The following KDM4B variants were observed in gnomAD, a reference collection of about 807,000 sequenced individuals.
KDM4B encodes lysine demethylase 4B.
In KDM4B, 32 loss-of-function variants were observed where a neutral mutation model predicts 125.2. The observed-to-expected ratio is 0.26, with a 90% CI of 0.19 to 0.34. The LOEUF (loss-of-function observed/expected upper bound fraction) is 0.34, where lower values mean the gene tolerates loss of function less well. KDM4B is among the 10% of genes least tolerant of loss of function. KDM4B has a pLI of 1.00. For missense variants in KDM4B, 1,190 were observed against 1,577.7 expected, an observed-to-expected ratio of 0.75 and a Z score of 4.16; for synonymous variants, 721 against 677.9, an observed-to-expected ratio of 1.06 and a Z score of -0.99.
intron 7 of KDM4B, among the ~76,000 whole-genome samples, chr19:5,073,331 C>T (rs537085245): frequency 6.6e-6 from 1 of 152,268 alleles, no homozygotes; most frequent in Non-Finnish European, 1.5e-5. Flanking sequence ...CTCTCTACTG[C>T]CACAGGGCAG....
intron 6 of KDM4B, among the ~76,000 whole-genome samples, chr19:5,061,336 A>G (rs1226099238): frequency 6.6e-6 from 1 of 152,190 alleles, no homozygotes; most frequent in Non-Finnish European, 1.5e-5. Context: ...AATCATTGTC[A>G]CCACTGGTTT....
At chr19:4,976,905 G>C (rs1444528560) in intron 1 of KDM4B, among the ~76,000 whole-genome samples, 1 of 152,238 alleles carries the variant, frequency 6.6e-6, no homozygotes, top group Non-Finnish European at 1.5e-5. Flanking sequence ...GTTCTGACTT[G>C]TCAAGAAATC....
chr19:5,116,032 G>T (rs2613796), intron 10 of KDM4B, among the ~76,000 whole-genome samples: 1 of 151,972 alleles, frequency 6.6e-6, no homozygotes, highest in African/African-American at 2.4e-5. Context: ...ACAATGCATC[G>T]CTGTGAAATT....
chr19:5,131,212 A>G lies in KDM4B; in HGVS notation c.1452A>G (p.Pro484=), dbSNP rs989357211. The G allele has an allele frequency of 3.1e-6, 5 of 1,605,430 alleles. No individual in the cohort carries two copies. The highest frequency in any genetic ancestry group is 4.2e-6 in the Non-Finnish European group (5 of 1,176,564). The part of the protein sequence containing the change: ...PSEEALWLPS[P]LEPPVLGPGP... ...AGGAGGCGCTGTGGCTGCCATCCCC[A>G]CTGGAGCCCCCGGTGCTGGGCCCAG... Residue 484 remains proline (P), a synonymous_variant, in exon 12 of 23, where the codon CCA becomes CCG. Coordinates refer to ENST00000159111, the MANE Select transcript of KDM4B (RefSeq NM_015015.3).
intron 1 of KDM4B, among the ~76,000 whole-genome samples, chr19:4,987,481 A>G (rs566436363): frequency 2.7e-5 from 4 of 148,994 alleles, no homozygotes; most frequent in Admixed American, 6.7e-5. Context: ...TCCCGGCCGG[A>G]GGGGGGTTAT....
At chr19:5,022,624 G>A (rs999204485) in intron 2 of KDM4B, among the ~76,000 whole-genome samples, 3 of 152,162 alleles carry the variant, frequency 2.0e-5, no homozygotes, top group African/African-American at 7.2e-5. Flanking sequence ...GGATGGTCCC[G>A]GGAGTTAGCT....
Position 5,033,011 on chromosome 19 carries a change from C to T in KDM4B, c.121C>T (p.His41Tyr), listed in dbSNP as rs2036506897. The change falls in exon 3 of 23, where the codon CAC becomes TAC. Residue 41 changes from histidine (H) to tyrosine (Y), a missense_variant. Physicochemically the swap from His to Tyr is moderately conservative, Grantham distance 83. Transcript: ENST00000159111. ...GGCCTACATAGAGTCGCAGGGAGCCCACCGGGCGGGCCTGGCCAAGGTGGG... is the reference window on the plus strand; with the variant it reads ...GGCCTACATAGAGTCGCAGGGAGCCTACCGGGCGGGCCTGGCCAAGGTGGG... ...YVAYIESQGA[H>Y]RAGLAKIIPP... 6.2e-7 allele frequency: 1 copy of T among 1,613,742 alleles called. No individual in the cohort carries two copies. Among genetic ancestry groups the T allele is most frequent in the Non-Finnish European group, 8.5e-7 (1 of 1,179,936 alleles).
In KDM4B at chr19:5,137,292, A is replaced by T; in HGVS notation, c.2339A>T (p.Asn780Ile). The change falls in exon 16 of 23, where the codon AAT becomes ATT. Residue 780 changes from asparagine to isoleucine, a missense_variant. Physicochemically the swap from Asn to Ile is moderately radical, Grantham distance 149. Coordinates refer to ENST00000159111, the MANE Select transcript of KDM4B (RefSeq NM_015015.3). ...SCYGIRPELV[N>I]EGWTCSRCAA... is the part of the protein sequence containing the mutation. ...TATGGCATCCGTCCCGAGCTGGTCA[A>T]TGAAGGCTGGACGTGTTCCCGGTGC... 1.9e-6 allele frequency: 3 copies of T among 1,581,726 alleles called. No homozygotes were observed. The highest frequency in any genetic ancestry group is 2.6e-6 in the Non-Finnish European group (3 of 1,164,104).
chr19:5,132,792 G>A (rs925245190), intron 13 of KDM4B, among the ~76,000 whole-genome samples: 15 of 152,172 alleles, frequency 9.9e-5, no homozygotes, highest in African/African-American at 3.6e-4. Flanking sequence ...CACGGCCCCA[G>A]AACCCCAGGC....
intron 10 of KDM4B, 35 bp from the exon 11 acceptor site, chr19:5,119,618 G>A (rs1453024455): frequency 1.3e-6 from 2 of 1,540,192 alleles, no homozygotes; most frequent in Admixed American, 2.0e-5. Flanking sequence ...TCCCTCCCTG[G>A]TCTCCCCTCC....
chr19:5,037,669 G>A (rs1020533988), intron 3 of KDM4B, among the ~76,000 whole-genome samples: 5 of 152,332 alleles, frequency 3.3e-5, no homozygotes, highest in South Asian at 2.1e-4. Context: ...GGGCCGCATC[G>A]TTCTCTGGGG....
intron 6 of KDM4B, among the ~76,000 whole-genome samples, chr19:5,053,971 G>A (rs2037313810): frequency 1.3e-5 from 2 of 152,256 alleles, no homozygotes; most frequent in South Asian, 2.1e-4. Context: ...AAGCTCCTTC[G>A]TGGTCACCTG....
chr19:5,138,114 G>C (rs370829638), intron 18 of KDM4B, 44 bp downstream of exon 18: 69 of 1,492,144 alleles, frequency 4.6e-5, no homozygotes, highest in Non-Finnish European at 6.3e-5. Context: ...TGCCTCTAGG[G>C]CTGCCGGCCA....
In KDM4B at chr19:5,032,857, C is replaced by G. The variant is rs2036502409; in HGVS notation, c.-25-9C>G. On this transcript the variant is annotated splice_polypyrimidine_tract_variant and intron_variant, in intron 2 of 22. Coordinates refer to ENST00000159111, the MANE Select transcript of KDM4B (RefSeq NM_015015.3). ...CCGCTGGTTCACCCTCTCTCGTCTT[C>G]CTCCACAGGTGTGCTTCCCGCACAG... 6.2e-7 allele frequency: 1 copy of G among 1,610,152 alleles called. No homozygotes were observed. Among genetic ancestry groups the G allele is most frequent in the South Asian group, 1.1e-5 (1 of 90,892 alleles).
chr19:5,020,076 TTGG>T (rs1422206212), intron 2 of KDM4B, among the ~76,000 whole-genome samples: 3 of 138,758 alleles, frequency 2.2e-5, no homozygotes, highest in African/African-American at 8.3e-5. Flanking sequence ...TGTGCAGGTG[TTGG>T]TGTGGATGTT....
At chr19:5,043,627 T>TG (rs776239544) in intron 5 of KDM4B, among the ~76,000 whole-genome samples, 7 of 132,804 alleles carry the variant, frequency 5.3e-5, no homozygotes, top group African/African-American at 1.2e-4. Flanking sequence ...TTTATCAGAG[T>TG]GGGGTGTCCA....
At chr19:4,986,984 T>C (rs550641198) in intron 1 of KDM4B, among the ~76,000 whole-genome samples, 4 of 151,338 alleles carry the variant, frequency 2.6e-5, no homozygotes, top group Admixed American at 2.6e-4. Flanking sequence ...TGAGACGGAG[T>C]CTTGCTCTGT....
At chr19:4,983,581 G>T (rs765891904) in intron 1 of KDM4B, among the ~76,000 whole-genome samples, 1 of 152,202 alleles carries the variant, frequency 6.6e-6, no homozygotes, top group Non-Finnish European at 1.5e-5. Context: ...GCCCAGCCTG[G>T]GCAGCGCCTC....
chr19:5,026,951 G>A (rs760417661), intron 2 of KDM4B, among the ~76,000 whole-genome samples: 14 of 152,146 alleles, frequency 9.2e-5, no homozygotes, highest in Non-Finnish European at 2.1e-4. Flanking sequence ...AGCAGGGCCC[G>A]AGGGTCCCAG....
Sources: gnomAD v4.1 joint callset for allele counts (sites outside exome capture counted in the v4.1 genomes callset) on GRCh38, gnomAD v4.1.1 for gene constraint, MANE v1.5 for transcripts, NCBI Gene and HGNC (gene_info 2026-07-23, HGNC 2026-07-21) for gene names.